The following KCNG2 variants were observed in gnomAD, a reference collection of about 807,000 sequenced individuals.
KCNG2 encodes the protein potassium voltage-gated channel modifier subfamily G member 2.
KCNG2 carries 7 observed loss-of-function variants against 12.3 expected under a neutral mutation model. The observed-to-expected ratio is 0.57, with a 90% CI of 0.32 to 1.07. The LOEUF (loss-of-function observed/expected upper bound fraction) is 1.07, where lower values mean the gene tolerates loss of function less well. KCNG2 is among the 50% of genes least tolerant of loss of function. The pLI is 0.04. For synonymous variants in KCNG2, 414 were observed against 351.4 expected, an observed-to-expected ratio of 1.18 and a Z score of -1.99; for missense variants, 703 against 726.0, an observed-to-expected ratio of 0.97 and a Z score of 0.36.
intron 1 of KCNG2, among the ~76,000 whole-genome samples, chr18:79,855,024 T>G (rs1363313662): frequency 2.0e-5 from 3 of 152,066 alleles, no homozygotes; most frequent in Admixed American, 6.6e-5. Flanking sequence ...TCTCTGGGGG[T>G]TTTTTTGTTT....
intron 1 of KCNG2, among the ~76,000 whole-genome samples, chr18:79,818,634 C>T (rs769112595): frequency 2.4e-4 from 36 of 152,208 alleles, no homozygotes; most frequent in Non-Finnish European, 4.8e-4. Context: ...CCAGCATCTC[C>T]GATGCGGAAA....
chr18:79,891,522 C>T (rs1005385751), intron 3 of KCNG2, among the ~76,000 whole-genome samples: 23 of 152,146 alleles, frequency 1.5e-4, no homozygotes, highest in Non-Finnish European at 2.2e-4. Flanking sequence ...TGAGCCACCA[C>T]GCTGGCCCTC....
chr18:79,818,002 G>A (rs1320443513), intron 1 of KCNG2, among the ~76,000 whole-genome samples: 1 of 152,228 alleles, frequency 6.6e-6, no homozygotes, highest in Admixed American at 6.5e-5. Context: ...AGGGCTCAGG[G>A]TGGGTGCTGC....
At chr18:79,882,275 G>A (rs1048477052) in intron 3 of KCNG2, among the ~76,000 whole-genome samples, 7 of 152,198 alleles carry the variant, frequency 4.6e-5, no homozygotes, top group South Asian at 2.1e-4. Flanking sequence ...CTGAGAGGCC[G>A]AGGTGGGAAG....
At chr18:79,889,799 G>A (rs953879064) in intron 3 of KCNG2, among the ~76,000 whole-genome samples, 1 of 152,226 alleles carries the variant, frequency 6.6e-6, no homozygotes, top group African/African-American at 2.4e-5. Context: ...GAGAACAGAC[G>A]TTAGCGTCTC....
chr18:79,880,809 A>G (rs1191990496), intron 3 of KCNG2, among the ~76,000 whole-genome samples: 2 of 152,252 alleles, frequency 1.3e-5, no homozygotes, highest in African/African-American at 4.8e-5. Flanking sequence ...AAACCAACCC[A>G]TGTAATTCAC....
chr18:79,829,869 A>G (rs535685064), intron 1 of KCNG2, among the ~76,000 whole-genome samples: 2 of 152,284 alleles, frequency 1.3e-5, no homozygotes, highest in East Asian at 3.9e-4. Context: ...CCATCTGTCT[A>G]ACTTGTTAGG....
At chr18:79,879,371 A>T (rs1980203941) in intron 3 of KCNG2, among the ~76,000 whole-genome samples, 1 of 152,198 alleles carries the variant, frequency 6.6e-6, no homozygotes, top group South Asian at 2.1e-4. Context: ...ACATTGGGAA[A>T]GAATGGAGCC....
intron 1 of KCNG2, among the ~76,000 whole-genome samples, chr18:79,824,714 G>A (rs1001544489): frequency 6.6e-6 from 1 of 152,158 alleles, no homozygotes; most frequent in Non-Finnish European, 1.5e-5. Context: ...TATCTATGGA[G>A]ATGATTACAT....
chr18:79,893,201 T>C (rs897648038), intron 3 of KCNG2, among the ~76,000 whole-genome samples: 1 of 152,220 alleles, frequency 6.6e-6, no homozygotes, highest in African/African-American at 2.4e-5. Context: ...GATTGGGTTC[T>C]TCACTCCATT....
chr18:79,838,182 A>G (rs1209041019), intron 1 of KCNG2, among the ~76,000 whole-genome samples: 2 of 152,280 alleles, frequency 1.3e-5, no homozygotes, highest in South Asian at 4.1e-4. Flanking sequence ...CTCCCTTGAC[A>G]TGTGGTGATT....
chr18:79,898,727 G>T (rs1171790980), intron 3 of KCNG2, among the ~76,000 whole-genome samples: 2 of 152,242 alleles, frequency 1.3e-5, no homozygotes, highest in Admixed American at 6.5e-5. Flanking sequence ...ATGTTTCTTC[G>T]TTTGCTGTTT....
intron 3 of KCNG2, among the ~76,000 whole-genome samples, chr18:79,891,078 A>G (rs572707869): frequency 6.6e-6 from 1 of 151,596 alleles, no homozygotes; most frequent in South Asian, 2.1e-4. Flanking sequence ...CATCTTTGTT[A>G]TTTCCTTCCC....
chr18:79,867,330 CTA>C (rs1979633678), intron 3 of KCNG2, among the ~76,000 whole-genome samples: 1 of 151,872 alleles, frequency 6.6e-6, no homozygotes, highest in African/African-American at 2.4e-5. Context: ...GTGGGTCAAC[CTA>C]TGTTACCATG....
chr18:79,873,778 A>G (rs1457186065), intron 3 of KCNG2, among the ~76,000 whole-genome samples: 2 of 152,238 alleles, frequency 1.3e-5, no homozygotes, highest in African/African-American at 2.4e-5. Context: ...GTGTCCGCCT[A>G]GCTGCCTCAC....
At chr18:79,832,143 C>T (rs1463250731) in intron 1 of KCNG2, among the ~76,000 whole-genome samples, 4 of 152,140 alleles carry the variant, frequency 2.6e-5, no homozygotes, top group African/African-American at 9.7e-5. Flanking sequence ...ATAGCTTGCC[C>T]GTCCTCACCC....
chr18:79,849,081 C>T (rs533979190), intron 1 of KCNG2, among the ~76,000 whole-genome samples: 2 of 152,260 alleles, frequency 1.3e-5, no homozygotes, highest in East Asian at 3.9e-4. Flanking sequence ...ACGCAGGCCA[C>T]TCGGCCGCTC....
intron 3 of KCNG2, among the ~76,000 whole-genome samples, chr18:79,880,273 C>T (rs1439605163): frequency 4.8e-5 from 7 of 147,242 alleles, no homozygotes; most frequent in Non-Finnish European, 1.5e-5. Context: ...GCCAAGATCG[C>T]GCCACTGCCC....
intron 1 of KCNG2, among the ~76,000 whole-genome samples, chr18:79,804,718 T>C (rs1240746314): frequency 6.6e-6 from 1 of 152,232 alleles, no homozygotes; most frequent in African/African-American, 2.4e-5. Context: ...CGGGAACAAG[T>C]GGAGGGCCTC....
Sources: allele counts gnomAD v4.1 joint callset (sites outside exome capture counted in the v4.1 genomes callset), GRCh38; gene constraint gnomAD v4.1.1; transcripts MANE v1.5; gene names NCBI Gene and HGNC (gene_info 2026-07-23, HGNC 2026-07-21).